FAM178B: variants seen among roughly 807,000 people sequenced by gnomAD.
FAM178B encodes protein FAM178B.
A neutral mutation model predicts 91.7 loss-of-function variants in FAM178B; 82 were observed. That is an observed-to-expected ratio of 0.89 (90% CI 0.75 to 1.07). The LOEUF (loss-of-function observed/expected upper bound fraction) is 1.07, where lower values mean the gene tolerates loss of function less well. FAM178B is among the 50% of genes least tolerant of loss of function. The pLI is 0.00. For synonymous variants in FAM178B, 368 were observed against 359.4 expected (o/e 1.02, Z -0.27); for missense variants, 769 against 846.7 (o/e 0.91, Z 1.14).
rs1467410777 is a variant in FAM178B, at chr2:96,920,686, C to T, written c.1562+479G>A. On this transcript the variant is annotated intron_variant, in intron 12 of 16. Coordinates refer to ENST00000490605, the MANE Select transcript of FAM178B (RefSeq NM_001122646.3). ...TGGGACAATATGGCAGTGACCCTGA[C>T]AAGGTAGCTGTTCTGGTAGAGGTAA... Among the ~76,000 whole-genome samples, 7 of 152,312 alleles carry T rather than the reference C, an allele frequency of 4.6e-5. No homozygotes were observed. In the East Asian group the frequency reaches 1.3e-3, roughly 29 times the overall value.
chr2:96,902,577 G>A (rs780134964), intron 13 of FAM178B, 43 bp downstream of exon 13: 23 of 1,398,736 alleles, frequency 1.6e-5, no homozygotes, highest in South Asian at 1.2e-4. Context: ...TCCAGAGCCC[G>A]CAGGCCATGG....
At chr2:96,893,654 G>A (rs2080735911) in intron 14 of FAM178B, among the ~76,000 whole-genome samples, 1 of 151,984 alleles carries the variant, frequency 6.6e-6, no homozygotes, top group African/African-American at 2.4e-5. Context: ...TCAACAAAAG[G>A]CACACAAGCA....
intron 8 of FAM178B, among the ~76,000 whole-genome samples, chr2:96,930,803 A>G (rs2081527747): frequency 2.6e-5 from 4 of 152,168 alleles, no homozygotes; most frequent in Admixed American, 2.0e-4. Flanking sequence ...TTAGGTCATG[A>G]GAATGGAGCT....
At chr2:96,881,727 G>GA (rs1422906056) in intron 14 of FAM178B, among the ~76,000 whole-genome samples, 1 of 137,840 alleles carries the variant, frequency 7.3e-6, no homozygotes, top group African/African-American at 2.6e-5. Flanking sequence ...TCCCATAATT[G>GA]AATCTGCAGG....
chr2:96,981,833 G>A (rs1329531891), intron 1 of FAM178B, among the ~76,000 whole-genome samples: 1 of 151,882 alleles, frequency 6.6e-6, no homozygotes, highest in Non-Finnish European at 1.5e-5. Context: ...TTGGGAGGCT[G>A]AGAAAGGCAG....
chr2:96,934,162 T>G (rs1400168839), intron 8 of FAM178B, among the ~76,000 whole-genome samples: 1 of 151,944 alleles, frequency 6.6e-6, no homozygotes, highest in African/African-American at 2.4e-5. Context: ...TGGTGTTGGG[T>G]GGGGGACACA....
At chr2:96,909,457 A>G (rs949763166) in intron 12 of FAM178B, among the ~76,000 whole-genome samples, 40 of 152,162 alleles carry the variant, frequency 2.6e-4, no homozygotes, top group African/African-American at 9.4e-4. Flanking sequence ...AAGTTGCCAC[A>G]TTCCCGTGGC....
intron 8 of FAM178B, among the ~76,000 whole-genome samples, chr2:96,932,316 C>T (rs1354002794): frequency 6.6e-6 from 1 of 152,240 alleles, no homozygotes; most frequent in Non-Finnish European, 1.5e-5. Flanking sequence ...ACAGCACGAC[C>T]CAGGCCAAGG....
At chr2:96,947,625 G>C (rs371536412) in intron 8 of FAM178B, among the ~76,000 whole-genome samples, 193 bp downstream of exon 8, 1 of 152,204 alleles carries the variant, frequency 6.6e-6, no homozygotes, top group Non-Finnish European at 1.5e-5. Flanking sequence ...CCAGTTCAAG[G>C]TGCCGAGGAG....
chr2:96,923,359 C>T (rs769399283), intron 10 of FAM178B, 131 bp downstream of exon 10: 3 of 699,314 alleles, frequency 4.3e-6, no homozygotes, highest in East Asian at 5.5e-5. Flanking sequence ...ATCCGGCCCA[C>T]AGCCAGCACA....
intron 4 of FAM178B, among the ~76,000 whole-genome samples, chr2:96,969,708 A>G (rs2153375613): frequency 6.6e-6 from 1 of 152,328 alleles, no homozygotes; most frequent in African/African-American, 2.4e-5. Context: ...CGTACAATCT[A>G]ATGGGAGAAA....
At position 96,921,341 on chromosome 2, in the gene FAM178B, A is replaced by G. The variant is rs548603097; in HGVS notation, c.1465-79T>C. 1.9e-4 allele frequency: 284 copies of G among 1,503,720 alleles called. No individual in the cohort carries two copies. In the African/African-American group the frequency reaches 3.6e-3, roughly 19 times the overall value. The allele number at this position is 1,503,720 out of a possible 1,614,324, so 93.1% of individuals were successfully genotyped here. A position where few individuals can be genotyped will look rare whatever the true frequency, so the allele number is the denominator to read the frequency against. On this transcript the variant is annotated intron_variant, in intron 11 of 16. Transcript: ENST00000490605. Reference sequence around the variant, plus strand: ...TCTCGCCACCCAGCCCGCACAGGGGAGTAAGTGGGCAGTCACGGAGATCAG... The same window carrying G: ...TCTCGCCACCCAGCCCGCACAGGGGGGTAAGTGGGCAGTCACGGAGATCAG...
chr2:96,939,949 AAC>A (rs2081698434), intron 8 of FAM178B, among the ~76,000 whole-genome samples: 1 of 152,188 alleles, frequency 6.6e-6, no homozygotes, highest in African/African-American at 2.4e-5. Flanking sequence ...GTTTTTAAAA[AAC>A]AGAGATCAAT....
chr2:96,891,150 C>T (rs1181976961), intron 14 of FAM178B, among the ~76,000 whole-genome samples: 1 of 152,240 alleles, frequency 6.6e-6, no homozygotes, highest in Non-Finnish European at 1.5e-5. Flanking sequence ...CTGATTCACT[C>T]CAGTTCCTGA....
chr2:96,925,422 G>A (rs2081420845), intron 9 of FAM178B, among the ~76,000 whole-genome samples: 1 of 152,158 alleles, frequency 6.6e-6, no homozygotes. Flanking sequence ...CAACATAATG[G>A]GGGTCCTCTA....
At chr2:96,881,914 T>A (rs2080395271) in intron 14 of FAM178B, among the ~76,000 whole-genome samples, 1 of 152,150 alleles carries the variant, frequency 6.6e-6, no homozygotes, top group Admixed American at 6.5e-5. Context: ...TGGGTGCATG[T>A]CTTCCTTGCA....
intron 8 of FAM178B, among the ~76,000 whole-genome samples, chr2:96,935,486 A>C (rs1187612611): frequency 1.3e-5 from 2 of 152,142 alleles, no homozygotes; most frequent in Non-Finnish European, 2.9e-5. Context: ...GGGCTCCCTC[A>C]GCACGACTCA....
chr2:96,938,447 C>G (rs1225585445), intron 8 of FAM178B, among the ~76,000 whole-genome samples: 1 of 152,162 alleles, frequency 6.6e-6, no homozygotes, highest in Non-Finnish European at 1.5e-5. Flanking sequence ...ATGCCTGCCC[C>G]CACAGGGCCA....
chr2:96,946,102 C>T (rs373902666), intron 8 of FAM178B, among the ~76,000 whole-genome samples: 24 of 152,270 alleles, frequency 1.6e-4, no homozygotes, highest in African/African-American at 5.3e-4. Flanking sequence ...TTTGACTACC[C>T]TGGGTAACTC....
Sources: gnomAD v4.1 joint callset for allele counts (sites outside exome capture counted in the v4.1 genomes callset) on GRCh38, gnomAD v4.1.1 for gene constraint, MANE v1.5 for transcripts, NCBI Gene and HGNC (gene_info 2026-07-23, HGNC 2026-07-21) for gene names.